BMP2K: variants seen among roughly 807,000 people sequenced by gnomAD.
The protein encoded by BMP2K is BMP-2-inducible protein kinase.
BMP2K carries 74 observed loss-of-function variants against 116.0 expected under a neutral mutation model. The ratio of observed to expected loss-of-function variants is 0.64; its 90% confidence interval spans 0.53 to 0.77. The LOEUF (loss-of-function observed/expected upper bound fraction) is 0.77. BMP2K is among the 30% of genes least tolerant of loss of function. The pLI, the probability that BMP2K is intolerant of heterozygous loss-of-function variation, is 0.00. For missense variants in BMP2K, 1,365 were observed against 1,403.6 expected (o/e 0.97, Z 0.44); for synonymous variants, 486 against 502.5 (o/e 0.97, Z 0.44).
intron 15 of BMP2K, among the ~76,000 whole-genome samples, chr4:78,910,085 C>A (rs1734503447): frequency 6.6e-6 from 1 of 152,148 alleles, no homozygotes; most frequent in African/African-American, 2.4e-5. Flanking sequence ...TGAGGCCATT[C>A]ATGCTAAGTC....
chr4:78,821,257 TG>T (rs1729603801), intron 1 of BMP2K, among the ~76,000 whole-genome samples: 1 of 152,230 alleles, frequency 6.6e-6, no homozygotes, highest in Non-Finnish European at 1.5e-5. Context: ...ATGCGCTTTG[TG>T]TAAATGGGGC....
In BMP2K at chr4:78,851,920, A is replaced by T. The variant is rs112006612; in HGVS notation, c.883+864A>T. Among the ~76,000 whole-genome samples the T allele has an allele frequency of 1.7e-4, 26 of 152,202 alleles. 1 individual carries two copies. The highest frequency in any genetic ancestry group is 6.0e-4 in the African/African-American group (25 of 41,550). ...TTTAAACCATTAAAAGTTCCCCCAG[A>T]CTCATGAACCCAAACTCATAAATTA... On this transcript the variant is annotated intron_variant, in intron 7 of 15. Coordinates refer to ENST00000502613, the MANE Select transcript of BMP2K (RefSeq NM_198892.2).
chr4:78,905,033 A>G (rs140981730), intron 15 of BMP2K, among the ~76,000 whole-genome samples: 28 of 152,012 alleles, frequency 1.8e-4, no homozygotes, highest in Admixed American at 1.8e-3. Flanking sequence ...GAATATATGA[A>G]TGTATTCCTA....
chr4:78,795,281 T>G (rs895763127), intron 1 of BMP2K, among the ~76,000 whole-genome samples: 1 of 152,174 alleles, frequency 6.6e-6, no homozygotes, highest in Non-Finnish European at 1.5e-5. Context: ...TTATTAAAAT[T>G]TATTGACAAA....
chr4:78,893,610 T>C (rs912187252), intron 15 of BMP2K, among the ~76,000 whole-genome samples: 36 of 152,194 alleles, frequency 2.4e-4, no homozygotes, highest in African/African-American at 8.4e-4. Context: ...TCTTCCAGGC[T>C]GGAATGGAGT....
chr4:78,868,444 T>C (rs1014849661), intron 10 of BMP2K, among the ~76,000 whole-genome samples: 4 of 152,132 alleles, frequency 2.6e-5, no homozygotes, highest in South Asian at 2.1e-4. Context: ...AGTCAAACCA[T>C]ATCATTCTAC....
At chr4:78,892,046 A>T (rs1228392633) in intron 15 of BMP2K, among the ~76,000 whole-genome samples, 1 of 152,148 alleles carries the variant, frequency 6.6e-6, no homozygotes, top group Non-Finnish European at 1.5e-5. Context: ...AAGGATATTG[A>T]ACTTTGGTTT....
At position 78,911,661 on chromosome 4, in the gene BMP2K, C is replaced by A. The variant is rs7682647; in HGVS notation, c.3114C>A (p.Ile1038=). The A allele has an allele frequency of 8.8e-3, 14,189 of 1,613,852 alleles. 1,075 individuals are homozygous for A. In the African/African-American group the frequency reaches 0.16, roughly 19 times the overall value. The part of the protein sequence containing the change: ...DSQSSNEFLT[I]SDSKENISVA... Reference sequence around the variant, plus strand: ...AAAGTAGCAATGAATTTTTAACCATCTCAGACTCCAAGGAGAACATTAGTG... The same window carrying A: ...AAAGTAGCAATGAATTTTTAACCATATCAGACTCCAAGGAGAACATTAGTG... Residue 1038 remains isoleucine (I), a synonymous_variant, in exon 16 of 16, where the codon ATC becomes ATA. Coordinates refer to ENST00000502613, the MANE Select transcript of BMP2K (RefSeq NM_198892.2).
rs147310959 is a variant in BMP2K, at chr4:78,801,316, A to G, written c.178+24595A>G. Among the ~76,000 whole-genome samples, 43 of 150,990 alleles carry G rather than the reference A, an allele frequency of 2.8e-4. 1 individual carries two copies. The highest frequency in any genetic ancestry group is 2.4e-3 in the Admixed American group (37 of 15,110). ...ACTTGCCATGTCTTTTCTGTGAATT[A>G]TCTTTATTGCCTGGATGGTTGAAGT... On this transcript the variant is annotated intron_variant, in intron 1 of 15. Coordinates refer to ENST00000502613, the MANE Select transcript of BMP2K (RefSeq NM_198892.2).
chr4:78,833,572 T>A lies in BMP2K; in HGVS notation c.298-10T>A. On this transcript the variant is annotated splice_polypyrimidine_tract_variant and intron_variant, in intron 2 of 15. Transcript: ENST00000502613. ...CATTTTCCAGTTTTCATTTTTTTTTTTCTTTCCAGAAAGAGCTATCTGGTC... is the reference window on the plus strand; with the variant it reads ...CATTTTCCAGTTTTCATTTTTTTTTATCTTTCCAGAAAGAGCTATCTGGTC... 1 of 1,556,300 alleles carries A rather than the reference T, an allele frequency of 6.4e-7. No individual in the cohort carries two copies. The highest frequency in any genetic ancestry group is 8.7e-7 in the Non-Finnish European group (1 of 1,152,490).
At chr4:78,822,739 T>C (rs1427403827) in intron 1 of BMP2K, among the ~76,000 whole-genome samples, 1 of 152,150 alleles carries the variant, frequency 6.6e-6, no homozygotes, top group Non-Finnish European at 1.5e-5. Context: ...ATCTTATGAT[T>C]TGTGTACAGA....
At position 78,813,686 on chromosome 4, in the gene BMP2K, C is replaced by T. The variant is rs553412246; in HGVS notation, c.179-12351C>T. 3.0e-4 allele frequency among the ~76,000 whole-genome samples: 46 copies of T among 152,306 alleles called. 1 individual carries two copies. Among genetic ancestry groups the T allele is most frequent in the African/African-American group, 1.1e-3 (45 of 41,568 alleles). ...GCCCATTCCCTCACTTTCTTCCTATCTTTACTCAAAGTCACCTCAGGTCTT... is the reference window on the plus strand; with the variant it reads ...GCCCATTCCCTCACTTTCTTCCTATTTTTACTCAAAGTCACCTCAGGTCTT... On this transcript the variant is annotated intron_variant, in intron 1 of 15. Coordinates refer to ENST00000502613, the MANE Select transcript of BMP2K (RefSeq NM_198892.2).
intron 9 of BMP2K, 86 bp downstream of exon 9, chr4:78,861,554 TATC>T: frequency 9.4e-7 from 1 of 1,061,126 alleles, no homozygotes; most frequent in Non-Finnish European, 1.4e-6. Flanking sequence ...ATTGATTAAA[TATC>T]ATCTTCATCC....
In BMP2K at chr4:78,878,889, C is replaced by T; in HGVS notation, c.1949C>T (p.Ser650Leu). 6.2e-7 allele frequency: 1 copy of T among 1,609,116 alleles called. No homozygotes were observed. The highest frequency in any genetic ancestry group is 2.2e-5 in the East Asian group (1 of 44,532). ...LLDREFDLLR[S>L]NRLEERASSD... ...GACAGAGAATTTGACCTTCTAAGAT[C>T]AAGTAAGGGACACTTGAAGGCTTAT... is the stretch of plus-strand genomic sequence containing the variant. Residue 650 changes from serine to leucine, a missense_variant and splice_region_variant, in exon 14 of 16, where the codon TCA (serine) becomes TTA (leucine). This residue lies in a region of BMP2K where 596 missense variants were observed against 623.2 expected (regional missense o/e 0.96). Coordinates refer to ENST00000502613, the MANE Select transcript of BMP2K (RefSeq NM_198892.2).
At chr4:78,859,359 T>C (rs977599862) in intron 7 of BMP2K, 16 of 345,904 alleles carry the variant, frequency 4.6e-5, no homozygotes, top group Admixed American at 2.8e-4. Context: ...TTCATACTTC[T>C]AGTGTAGAGC....
chr4:78,788,774 G>A (rs1352279288), intron 1 of BMP2K, among the ~76,000 whole-genome samples: 1 of 151,652 alleles, frequency 6.6e-6, no homozygotes, highest in Non-Finnish European at 1.5e-5. Flanking sequence ...GCATTTGTAA[G>A]GGCTGTATGA....
chr4:78,805,483 A>C (rs564025617), intron 1 of BMP2K, among the ~76,000 whole-genome samples: 13 of 152,328 alleles, frequency 8.5e-5, no homozygotes, highest in East Asian at 1.9e-4. Context: ...ATTTCAATCC[A>C]GTCTTTCAGT....
chr4:78,844,611 A>G (rs1400097559), intron 4 of BMP2K, among the ~76,000 whole-genome samples: 2 of 151,630 alleles, frequency 1.3e-5, no homozygotes, highest in Non-Finnish European at 3.0e-5. Flanking sequence ...TTGCCCCTGT[A>G]CAAATCAACC....
chr4:78,777,575 C>G (rs1560494859), intron 1 of BMP2K, among the ~76,000 whole-genome samples: 1 of 152,202 alleles, frequency 6.6e-6, no homozygotes, highest in Non-Finnish European at 1.5e-5. Flanking sequence ...GCCCTGTGTG[C>G]TGCATGCTTC....
Sources: allele counts gnomAD v4.1 joint callset (sites outside exome capture counted in the v4.1 genomes callset), GRCh38; gene constraint gnomAD v4.1.1; regional missense constraint gnomAD v4.1.1; transcripts MANE v1.5; gene names NCBI Gene and HGNC (gene_info 2026-07-23, HGNC 2026-07-21).